Variants in GC observed in about 807,000 individuals in gnomAD.
The protein encoded by GC is vitamin D-binding protein.
A neutral mutation model predicts 56.7 loss-of-function variants in GC; 43 were observed. The observed-to-expected ratio is 0.76, with a 90% confidence interval of 0.59 to 0.98. The LOEUF (loss-of-function observed/expected upper bound fraction) is 0.98. GC is among the 50% of genes least tolerant of loss of function. The probability of loss-of-function intolerance (pLI) is 0.00; values close to 1 mark genes in which losing one functional copy is unlikely to be tolerated. For missense variants in GC, 529 were observed against 545.9 expected (o/e 0.97, Z 0.31); for synonymous variants, 216 against 202.7 (o/e 1.07, Z -0.56).
At chr4:71,776,493 G>A (rs1019053490) in intron 1 of GC, among the ~76,000 whole-genome samples, 1 of 151,904 alleles carries the variant, frequency 6.6e-6, no homozygotes, top group East Asian at 1.9e-4. Flanking sequence ...ACTAGAGGCT[G>A]CAGGGAGAAG....
At chr4:71,775,846 C>T (rs1424379654) in intron 1 of GC, among the ~76,000 whole-genome samples, 1 of 151,864 alleles carries the variant, frequency 6.6e-6, no homozygotes, top group African/African-American at 2.4e-5. Context: ...TAGCAAAGAA[C>T]CCAAACAGAC....
intron 1 of GC, among the ~76,000 whole-genome samples, chr4:71,776,840 C>A (rs536918599): frequency 1.6e-4 from 24 of 151,846 alleles, no homozygotes; most frequent in East Asian, 1.6e-3. Context: ...TCACTGTTTC[C>A]TAACAAAATA....
intron 1 of GC, among the ~76,000 whole-genome samples, chr4:71,798,663 T>A (rs555363865): frequency 5.7e-4 from 87 of 152,344 alleles, no homozygotes; most frequent in Middle Eastern, 3.4e-3. Flanking sequence ...TTAGACTTTA[T>A]AAGAGTGAGT....
At chr4:71,766,174 T>G (rs1742149111) in intron 3 of GC, among the ~76,000 whole-genome samples, 1 of 152,194 alleles carries the variant, frequency 6.6e-6, no homozygotes, top group East Asian at 1.9e-4. Flanking sequence ...TTCTCTTACC[T>G]AATGATTCTT....
At chr4:71,790,298 A>G (rs1387220948) in intron 1 of GC, among the ~76,000 whole-genome samples, 1 of 152,146 alleles carries the variant, frequency 6.6e-6, no homozygotes. Context: ...GCAACAACCT[A>G]ATAATATAGC....
upstream of GC, chr4:71,784,367 G>A: frequency 2.0e-6 from 2 of 994,586 alleles, no homozygotes; most frequent in Non-Finnish European, 2.4e-6. Context: ...TAATATGTTA[G>A]TAACGCACAC....
At chr4:71,786,111 A>G (rs1560711280), upstream of GC, 3 of 151,870 alleles carry the variant, frequency 2.0e-5, no homozygotes, top group Admixed American at 2.0e-4. Context: ...GATAAACTAC[A>G]TGTAGCAAGA....
chr4:71,749,871 A>G (rs182869285), intron 11 of GC, among the ~76,000 whole-genome samples: 30 of 152,320 alleles, frequency 2.0e-4, no homozygotes, highest in African/African-American at 7.2e-4. Context: ...TTCTGACTTT[A>G]TAAATTGTTA....
At chr4:71,780,336 T>C (rs1185194957) in intron 1 of GC, among the ~76,000 whole-genome samples, 1 of 152,120 alleles carries the variant, frequency 6.6e-6, no homozygotes, top group Non-Finnish European at 1.5e-5. Flanking sequence ...AAGGACTTCA[T>C]GTCTAAAACA....
At chr4:71,771,674 T>C (rs1055480126) in intron 1 of GC, among the ~76,000 whole-genome samples, 5 of 152,248 alleles carry the variant, frequency 3.3e-5, no homozygotes, top group African/African-American at 1.2e-4. Flanking sequence ...AAAAACCACT[T>C]GCAACAAACC....
chr4:71,782,117 T>G (rs968693758), intron 1 of GC, among the ~76,000 whole-genome samples: 1 of 151,752 alleles, frequency 6.6e-6, no homozygotes, highest in African/African-American at 2.4e-5. Flanking sequence ...AAACTTCTTT[T>G]CAAGGTAAGT....
intron 1 of GC, among the ~76,000 whole-genome samples, chr4:71,778,211 T>C (rs1447939400): frequency 5.9e-5 from 9 of 151,868 alleles, no homozygotes; most frequent in African/African-American, 2.2e-4. Context: ...AAAAACACAA[T>C]TTGTTAAATG....
chr4:71,749,805 T>C (rs1214070530), intron 11 of GC, among the ~76,000 whole-genome samples: 1 of 152,202 alleles, frequency 6.6e-6, no homozygotes, highest in Non-Finnish European at 1.5e-5. Flanking sequence ...ATGGCATATT[T>C]GTCAGGAGAA....
intron 3 of GC, among the ~76,000 whole-genome samples, chr4:71,765,917 A>G (rs1192045787): frequency 6.6e-6 from 1 of 152,212 alleles, no homozygotes; most frequent in Non-Finnish European, 1.5e-5. Context: ...GATTAGAGCC[A>G]TTAGAATTGT....
chr4:71,804,735 G>A (rs1411996654), upstream of GC, among the ~76,000 whole-genome samples: 1 of 152,002 alleles, frequency 6.6e-6, no homozygotes, highest in African/African-American at 2.4e-5. Context: ...ATACCCAATT[G>A]CCTTGTTCGT....
intron 1 of GC, among the ~76,000 whole-genome samples, chr4:71,774,069 C>T (rs979339453): frequency 2.0e-5 from 3 of 151,870 alleles, no homozygotes; most frequent in Non-Finnish European, 2.9e-5. Context: ...TTCTGTATCA[C>T]TAAAAATATT....
intron 1 of GC, among the ~76,000 whole-genome samples, chr4:71,772,710 A>G (rs777174020): frequency 4.6e-5 from 7 of 152,250 alleles, no homozygotes; most frequent in Non-Finnish European, 7.4e-5. Context: ...TTGCTGGAAC[A>G]TTCAGCCTTG....
At chr4:71,777,748 G>C (rs1403391026) in intron 1 of GC, among the ~76,000 whole-genome samples, 1 of 150,852 alleles carries the variant, frequency 6.6e-6, no homozygotes, top group African/African-American at 2.4e-5. Flanking sequence ...CTAAGACTGT[G>C]CTCTTGCTAT....
At chr4:71,790,834 T>C (rs962513225) in intron 1 of GC, among the ~76,000 whole-genome samples, 1 of 152,106 alleles carries the variant, frequency 6.6e-6, no homozygotes, top group Admixed American at 6.6e-5. Flanking sequence ...GTTACGTATG[T>C]ATACATGTGC....
Sources: allele counts gnomAD v4.1 joint callset (sites outside exome capture counted in the v4.1 genomes callset), GRCh38; gene constraint gnomAD v4.1.1; transcripts MANE v1.5; gene names NCBI Gene and HGNC (gene_info 2026-07-23, HGNC 2026-07-21).